Variants in JAKMIP3 observed in about 807,000 individuals in gnomAD.
JAKMIP3 encodes the protein janus kinase and microtubule-interacting protein 3.
JAKMIP3 carries 58 observed loss-of-function variants against 118.5 expected under a neutral mutation model. That is an observed-to-expected ratio of 0.49 (90% confidence interval 0.40 to 0.61). The LOEUF is 0.61. Ranked by LOEUF, JAKMIP3 falls within the 20% of genes least tolerant of loss-of-function variation. JAKMIP3 has a pLI of 0.00. For synonymous variants in JAKMIP3, 486 were observed against 451.2 expected, an observed-to-expected ratio of 1.08 and a Z score of -0.98; for missense variants, 950 against 1,109.0, an observed-to-expected ratio of 0.86 and a Z score of 2.04.
chr10:132,133,106 T>G (rs769997787), intron 3 of JAKMIP3, among the ~76,000 whole-genome samples: 6 of 152,166 alleles, frequency 3.9e-5, no homozygotes, highest in Non-Finnish European at 7.3e-5. Flanking sequence ...TGGCAGCAGC[T>G]CTGCGTAGCC....
intron 8 of JAKMIP3, among the ~76,000 whole-genome samples, 172 bp from the exon 9 acceptor site, chr10:132,137,947 C>T (rs1414499769): frequency 6.6e-6 from 1 of 152,052 alleles, no homozygotes; most frequent in Non-Finnish European, 1.5e-5. Context: ...GAGACAGGAG[C>T]TCCCCGAGGA....
chr10:132,071,906 C>CTTCCTTCCCTTCCTTTCCTTCCT (rs138119142), intron 1 of JAKMIP3, among the ~76,000 whole-genome samples: 89,868 of 133,790 alleles, frequency 0.67, 30,784 homozygotes, highest in African/African-American at 0.82. Context: ...TCTTTCTTCC[C>CTTCCTTCCCTTCCTTTCCTTCCT]TTCCTTCCTT....
intron 3 of JAKMIP3, among the ~76,000 whole-genome samples, chr10:132,120,790 C>A (rs1045734692): frequency 6.6e-6 from 1 of 152,190 alleles, no homozygotes; most frequent in Non-Finnish European, 1.5e-5. Context: ...TTAAGGCCGT[C>A]ATTTATGAGA....
upstream of JAKMIP3, among the ~76,000 whole-genome samples, chr10:132,062,267 C>T (rs1451943175): frequency 6.6e-6 from 1 of 152,236 alleles, no homozygotes; most frequent in African/African-American, 2.4e-5. Flanking sequence ...GGGAGACAGG[C>T]GTTCATCCTG....
At chr10:132,090,008 C>T (rs1456497135) in intron 1 of JAKMIP3, among the ~76,000 whole-genome samples, 2 of 152,088 alleles carry the variant, frequency 1.3e-5, no homozygotes, top group Admixed American at 6.5e-5. Context: ...TGCTGGATTA[C>T]GTTTATTGAT....
intron 2 of JAKMIP3, among the ~76,000 whole-genome samples, chr10:132,113,577 T>A (rs2047184720): frequency 6.6e-6 from 1 of 152,228 alleles, no homozygotes; most frequent in Non-Finnish European, 1.5e-5. Context: ...GAAGAATGTT[T>A]GCTAATAGAG....
At chr10:132,115,965 G>A (rs1589848770) in intron 2 of JAKMIP3, among the ~76,000 whole-genome samples, 1 of 152,232 alleles carries the variant, frequency 6.6e-6, no homozygotes, top group Non-Finnish European at 1.5e-5. Flanking sequence ...CTCGGAGCGG[G>A]AGAGCAAAGC....
intron 1 of JAKMIP3, among the ~76,000 whole-genome samples, chr10:132,037,309 C>A (rs933693607): frequency 2.0e-5 from 3 of 152,130 alleles, no homozygotes; most frequent in Admixed American, 6.5e-5. Context: ...TGGAGCGGCT[C>A]CCTCCTGCCC....
chr10:132,093,561 T>G (rs1003273523), intron 1 of JAKMIP3, among the ~76,000 whole-genome samples: 10 of 152,224 alleles, frequency 6.6e-5, no homozygotes, highest in Admixed American at 6.5e-4. Context: ...AATCTCCTAT[T>G]GTGCCATTTG....
chr10:132,177,537 C>T (rs1213253349), intron 23 of JAKMIP3, among the ~76,000 whole-genome samples: 4 of 108,644 alleles, frequency 3.7e-5, no homozygotes, highest in South Asian at 3.1e-4. Flanking sequence ...TGTGTGTGTG[C>T]ACACTGTGCA....
At chr10:132,113,236 A>G (rs1225890426) in intron 2 of JAKMIP3, among the ~76,000 whole-genome samples, 1 of 152,214 alleles carries the variant, frequency 6.6e-6, no homozygotes, top group East Asian at 1.9e-4. Flanking sequence ...AAATCAAAAC[A>G]AAGTTGAATG....
At chr10:132,181,902 G>A (rs2061528041) in intron 23 of JAKMIP3, among the ~76,000 whole-genome samples, 1 of 152,132 alleles carries the variant, frequency 6.6e-6, no homozygotes, top group Non-Finnish European at 1.5e-5. Flanking sequence ...CATGCCCCAG[G>A]GACTGATCCG....
Position 132,138,103 on chromosome 10 carries a change from C to T in JAKMIP3, c.1285-16C>T. The T allele has an allele frequency of 6.2e-7, 1 of 1,609,878 alleles. No individual in the cohort carries two copies. The highest frequency in any genetic ancestry group is 8.5e-7 in the Non-Finnish European group (1 of 1,178,072). ...TGCTCTACCACTTACACAACCTCTT[C>T]AACTGGCTTCCGCAGGAGCGGGACA... is the stretch of plus-strand genomic sequence containing the variant. On this transcript the variant is annotated splice_polypyrimidine_tract_variant and intron_variant, in intron 8 of 23. Transcript: ENST00000684848.
rs1564997469 is a variant in JAKMIP3 at position 132,168,335 on chromosome 10, C to CA, written c.*406dup. On this transcript the variant is annotated 3_prime_UTR_variant, in exon 23 of 24. Transcript: ENST00000684848. ...GTCCCCTCCTCTCTCTTGGTTCTCACAGTAGCTGCCACTGGTGTCTGGAGG... is the reference window on the plus strand; with the variant it reads ...GTCCCCTCCTCTCTCTTGGTTCTCACAAGTAGCTGCCACTGGTGTCTGGAGG... 4 of 1,289,478 alleles carry CA rather than the reference C, an allele frequency of 3.1e-6. No individual in the cohort carries two copies. In the East Asian group the frequency reaches 2.2e-4, roughly 72 times the overall value. The allele number at this position is 1,289,478 out of a possible 1,614,324, so 79.9% of individuals were successfully genotyped here. A position where few individuals can be genotyped will look rare whatever the true frequency, so the allele number is the denominator to read the frequency against.
chr10:132,165,168 G>A (rs774182216), intron 21 of JAKMIP3, among the ~76,000 whole-genome samples: 40 of 152,196 alleles, frequency 2.6e-4, no homozygotes, highest in African/African-American at 8.0e-4. Context: ...ACCCGTTGAC[G>A]TGCAGTTAGG....
chr10:132,038,690 G>C (rs2037600144), intron 1 of JAKMIP3, among the ~76,000 whole-genome samples: 1 of 151,710 alleles, frequency 6.6e-6, no homozygotes, highest in Non-Finnish European at 1.5e-5. Flanking sequence ...TCCTCGGGAT[G>C]GTGAGGCAGG....
chr10:132,161,841 G>A, intron 19 of JAKMIP3, among the ~76,000 whole-genome samples: 1 of 112,650 alleles, frequency 8.9e-6, no homozygotes, highest in Admixed American at 1.0e-4. Context: ...GGTGAAGCTA[G>A]GGGGTCTTTT....
intron 19 of JAKMIP3, among the ~76,000 whole-genome samples, chr10:132,158,221 C>T (rs771191876): frequency 3.9e-5 from 6 of 152,114 alleles, no homozygotes; most frequent in Non-Finnish European, 7.4e-5. Flanking sequence ...TCCACTGGGT[C>T]GGGAGAGTTG....
intron 22 of JAKMIP3, among the ~76,000 whole-genome samples, chr10:132,167,261 C>A (rs1415551266): frequency 6.6e-6 from 1 of 152,206 alleles, no homozygotes; most frequent in Non-Finnish European, 1.5e-5. Context: ...CCGGAGTCTT[C>A]CACTGTAGAG....
Sources: allele counts gnomAD v4.1 joint callset (sites outside exome capture counted in the v4.1 genomes callset), GRCh38; gene constraint gnomAD v4.1.1; transcripts MANE v1.5; gene names NCBI Gene and HGNC (gene_info 2026-07-23, HGNC 2026-07-21).